FHIT: variants seen among roughly 807,000 people sequenced by gnomAD.
FHIT encodes bis(5'-adenosyl)-triphosphatase.
FHIT carries 19 observed loss-of-function variants against 17.9 expected under a neutral mutation model. The ratio of observed to expected loss-of-function variants is 1.06; its 90% CI spans 0.74 to 1.56. The LOEUF is 1.56. Among genes scored for constraint, FHIT ranks in the 40% most tolerant of loss-of-function variants. The pLI, the probability that FHIT is intolerant of heterozygous loss-of-function variation, is 0.00. For missense variants in FHIT, 248 were observed against 189.2 expected, an observed-to-expected ratio of 1.31 and a Z score of -1.82; for synonymous variants, 81 against 69.7, an observed-to-expected ratio of 1.16 and a Z score of -0.81.
intron 3 of FHIT, among the ~76,000 whole-genome samples, chr3:60,833,546 T>C (rs1702410343): frequency 6.6e-6 from 1 of 152,192 alleles, no homozygotes; most frequent in Admixed American, 6.5e-5. Flanking sequence ...ATGATTTTTG[T>C]TCATATTCCC....
rs181517994 is a variant in FHIT, at chr3:60,498,025, G to A, written c.103+38835C>T. Among the ~76,000 whole-genome samples the A allele has an allele frequency of 7.0e-4, 106 of 152,246 alleles. 2 individuals are homozygous for A. The highest frequency in any genetic ancestry group is 5.8e-3 in the Admixed American group (89 of 15,286). On this transcript the variant is annotated intron_variant, in intron 5 of 9. Transcript: ENST00000492590. ...GTCTCTGTCACAGCTACTCATCTGT[G>A]TCACTGTAACACAAAAACAGCCATA...
chr3:59,980,309 G>A (rs1472866539), intron 7 of FHIT, among the ~76,000 whole-genome samples: 1 of 152,152 alleles, frequency 6.6e-6, no homozygotes, highest in African/African-American at 2.4e-5. Flanking sequence ...GGACAACAAG[G>A]ATTCCTTGAA....
At chr3:61,127,745 C>T (rs1018739481) in intron 2 of FHIT, among the ~76,000 whole-genome samples, 5 of 152,042 alleles carry the variant, frequency 3.3e-5, no homozygotes, top group East Asian at 1.9e-4. Context: ...AGGGTGTGGC[C>T]TGTAATCCCA....
chr3:60,754,230 T>G (rs1352997331), intron 4 of FHIT, among the ~76,000 whole-genome samples: 2 of 152,158 alleles, frequency 1.3e-5, no homozygotes, highest in African/African-American at 2.4e-5. Flanking sequence ...TGCCTGTTAG[T>G]GAAAGGCCAG....
In FHIT at chr3:61,103,891, C is replaced by CT. The variant is rs1214060792; in HGVS notation, c.-163-61793dup. Among the ~76,000 whole-genome samples the CT allele has an allele frequency of 1.1e-3, 159 of 141,518 alleles. 1 individual carries two copies. Among genetic ancestry groups the CT allele is most frequent in the Middle Eastern group, 3.6e-3 (1 of 276 alleles). 92.8% of individuals were successfully genotyped at this position (141,518 alleles called of 152,430 possible). ...AGGATTTCAACCCCTGCTTTTTTTT[C>CT]TTTTTTTTTTTTCTTTCCATTTGTT... On this transcript the variant is annotated intron_variant, in intron 2 of 9. Coordinates refer to ENST00000492590, the MANE Select transcript of FHIT (RefSeq NM_002012.4).
At chr3:60,633,938 C>A (rs1329713667) in intron 4 of FHIT, among the ~76,000 whole-genome samples, 1 of 152,208 alleles carries the variant, frequency 6.6e-6, no homozygotes, top group Non-Finnish European at 1.5e-5. Flanking sequence ...AACGCACAGG[C>A]TCATAGCATA....
chr3:60,404,739 G>GT (rs1210288420), intron 5 of FHIT, among the ~76,000 whole-genome samples: 2 of 152,148 alleles, frequency 1.3e-5, no homozygotes, highest in Non-Finnish European at 2.9e-5. Context: ...TTGAATGTAA[G>GT]TTTTTAAAGT....
At chr3:60,280,031 CAA>C (rs34574670) in intron 5 of FHIT, among the ~76,000 whole-genome samples, 346 of 117,382 alleles carry the variant, frequency 2.9e-3, no homozygotes, top group East Asian at 7.4e-3. Flanking sequence ...GACTCTGTCT[CAA>C]AAAAAAAAAA....
intron 5 of FHIT, among the ~76,000 whole-genome samples, chr3:60,482,419 A>C (rs1238821225): frequency 6.6e-6 from 1 of 152,176 alleles, no homozygotes; most frequent in Non-Finnish European, 1.5e-5. Context: ...AAAATCGACC[A>C]CATAATTTGA....
intron 3 of FHIT, among the ~76,000 whole-genome samples, chr3:60,988,638 G>A (rs2029882442): frequency 1.3e-5 from 2 of 152,132 alleles, no homozygotes; most frequent in Non-Finnish European, 2.9e-5. Flanking sequence ...TGATCGGCAT[G>A]ATACATAAAA....
At chr3:60,201,142 T>C (rs1702884310) in intron 5 of FHIT, among the ~76,000 whole-genome samples, 1 of 152,126 alleles carries the variant, frequency 6.6e-6, no homozygotes, top group South Asian at 2.1e-4. Flanking sequence ...CTGGGTTTTA[T>C]GTTTGGTTTA....
intron 8 of FHIT, among the ~76,000 whole-genome samples, chr3:59,913,947 G>A (rs139129431): frequency 0.01 from 1,569 of 152,230 alleles, 29 homozygotes; most frequent in African/African-American, 0.035. Context: ...TTCTAAATCT[G>A]GGGAAGGTCA....
At chr3:61,214,876 C>A (rs1176025403) in intron 1 of FHIT, among the ~76,000 whole-genome samples, 3 of 152,142 alleles carry the variant, frequency 2.0e-5, no homozygotes, top group African/African-American at 7.2e-5. Context: ...TAAATGTAAT[C>A]CAGCATATAA....
At chr3:60,899,616 G>C (rs1005519852) in intron 3 of FHIT, among the ~76,000 whole-genome samples, 1 of 152,158 alleles carries the variant, frequency 6.6e-6, no homozygotes, top group Non-Finnish European at 1.5e-5. Context: ...TGGAGCTCTT[G>C]TCACATCCAA....
At chr3:60,391,096 G>A (rs1039515774) in intron 5 of FHIT, among the ~76,000 whole-genome samples, 2 of 152,076 alleles carry the variant, frequency 1.3e-5, no homozygotes, top group Non-Finnish European at 2.9e-5. Flanking sequence ...GCTGAAGGAC[G>A]AGAATTGCTT....
intron 4 of FHIT, among the ~76,000 whole-genome samples, chr3:60,763,277 T>A (rs1311240354): frequency 2.6e-5 from 4 of 152,154 alleles, no homozygotes; most frequent in African/African-American, 9.7e-5. Flanking sequence ...CGACTGTAAG[T>A]CTGTTATGAT....
chr3:61,133,579 G>A (rs947746361), intron 2 of FHIT, among the ~76,000 whole-genome samples: 1 of 152,202 alleles, frequency 6.6e-6, no homozygotes, highest in African/African-American at 2.4e-5. Flanking sequence ...TCAATCCAGA[G>A]ATTATAGATT....
chr3:61,210,434 T>C (rs2039423861), intron 1 of FHIT, among the ~76,000 whole-genome samples: 1 of 152,226 alleles, frequency 6.6e-6, no homozygotes, highest in African/African-American at 2.4e-5. Flanking sequence ...CAGGCCTCCT[T>C]GAGCTGTGGT....
intron 4 of FHIT, among the ~76,000 whole-genome samples, chr3:60,609,267 T>C (rs1385521223): frequency 1.3e-5 from 2 of 152,152 alleles, no homozygotes; most frequent in Non-Finnish European, 2.9e-5. Flanking sequence ...GCCTTTATTC[T>C]GGTACTGTCT....
Sources: gnomAD v4.1 joint callset for allele counts (sites outside exome capture counted in the v4.1 genomes callset) on GRCh38, gnomAD v4.1.1 for gene constraint, MANE v1.5 for transcripts, NCBI Gene and HGNC (gene_info 2026-07-23, HGNC 2026-07-21) for gene names.